The following NALCN variants were observed in gnomAD, a reference collection of about 807,000 sequenced individuals.
The protein encoded by NALCN is sodium leak channel NALCN.
NALCN carries 111 observed loss-of-function variants against 225.3 expected under a neutral mutation model. The observed-to-expected ratio is 0.49, with a 90% confidence interval of 0.42 to 0.58. The LOEUF is 0.58. Among genes scored for constraint, NALCN ranks in the 20% least tolerant of loss-of-function variants. The probability of loss-of-function intolerance (pLI) is 0.00; values close to 1 mark genes in which losing one functional copy is unlikely to be tolerated. For missense variants in NALCN, 1,378 were observed against 2,202.4 expected (o/e 0.63, Z 7.49); for synonymous variants, 764 against 769.0 (o/e 0.99, Z 0.11).
Position 101,073,568 on chromosome 13 carries a change from G to C in NALCN, c.4197+16C>G. On this transcript the variant is annotated intron_variant, in intron 37 of 43. Coordinates refer to ENST00000251127, the MANE Select transcript of NALCN (RefSeq NM_052867.4). The stretch of plus-strand genomic sequence containing the variant: ...GATTCTAAGTCTAAGCCTTGTTCAT[G>C]ATGAGAGATATTTACCATACAGTCA... The C allele has an allele frequency of 6.3e-7, 1 of 1,597,202 alleles. No individual in the cohort carries two copies. The highest frequency in any genetic ancestry group is 8.6e-7 in the Non-Finnish European group (1 of 1,167,096).
intron 15 of NALCN, among the ~76,000 whole-genome samples, chr13:101,169,381 G>T (rs1405950143): frequency 6.6e-6 from 1 of 152,088 alleles, no homozygotes; most frequent in Non-Finnish European, 1.5e-5. Flanking sequence ...TAAATACTGG[G>T]ATACATGTGC....
intron 10 of NALCN, among the ~76,000 whole-genome samples, chr13:101,264,480 G>A (rs1207859428): frequency 6.6e-6 from 1 of 151,896 alleles, no homozygotes; most frequent in Non-Finnish European, 1.5e-5. Flanking sequence ...AATGAGCATT[G>A]TTACTCAAAG....
intron 10 of NALCN, among the ~76,000 whole-genome samples, chr13:101,280,200 G>C (rs1477841056): frequency 1.3e-5 from 2 of 152,080 alleles, no homozygotes; most frequent in African/African-American, 4.8e-5. Flanking sequence ...GCTGCCTCTG[G>C]AAAGCTTTAT....
intron 11 of NALCN, 147 bp from the exon 12 acceptor site, chr13:101,238,069 A>G: frequency 1.6e-6 from 1 of 615,168 alleles, no homozygotes; most frequent in Non-Finnish European, 2.7e-6. Context: ...TTACTTTAAG[A>G]ATGCATTTGA....
At chr13:101,306,714 A>T (rs1368411132) in intron 7 of NALCN, among the ~76,000 whole-genome samples, 1 of 152,172 alleles carries the variant, frequency 6.6e-6, no homozygotes, top group Non-Finnish European at 1.5e-5. Flanking sequence ...GGCTCATTTA[A>T]TCCTCACTGA....
chr13:101,320,081 T>G (rs1017360089), intron 7 of NALCN, among the ~76,000 whole-genome samples: 2 of 152,204 alleles, frequency 1.3e-5, no homozygotes, highest in African/African-American at 4.8e-5. Context: ...TCCCAGTAAG[T>G]TCTATTGTCC....
intron 13 of NALCN, among the ~76,000 whole-genome samples, chr13:101,210,625 A>G (rs1184549938): frequency 6.6e-6 from 1 of 152,208 alleles, no homozygotes; most frequent in Non-Finnish European, 1.5e-5. Flanking sequence ...TAAACTTTCT[A>G]TACAACACAG....
chr13:101,108,986 T>C lies in NALCN; in HGVS notation c.2365-1197A>G, dbSNP rs74119253. Among the ~76,000 whole-genome samples the C allele has an allele frequency of 8.1e-3, 1,225 of 152,138 alleles. 21 individuals carry two copies. The highest frequency in any genetic ancestry group is 0.028 in the African/African-American group (1,152 of 41,510). On this transcript the variant is annotated intron_variant, in intron 20 of 43. Coordinates refer to ENST00000251127, the MANE Select transcript of NALCN (RefSeq NM_052867.4). ...TTTTACTATACTTCTACATGAAAAA[T>C]AGGGTAGGAAGTCTCTGAAGAAGTA...
At position 101,112,172 on chromosome 13, in the gene NALCN, G is replaced by A. The variant is rs189537975; in HGVS notation, c.2193-946C>T. On this transcript the variant is annotated intron_variant, in intron 18 of 43. Transcript: ENST00000251127. The stretch of plus-strand genomic sequence containing the variant: ...AAATGGTTTAGATGGTAAATGTTAT[G>A]TGTTGTTTTTAAAACCACAGTTCAA... Among the ~76,000 whole-genome samples, 3 of 148,352 alleles carry A rather than the reference G, an allele frequency of 2.0e-5. No homozygotes were observed. In the East Asian group the frequency reaches 6.0e-4, roughly 30 times the overall value.
chr13:101,300,321 T>C (rs1340906524), intron 7 of NALCN, among the ~76,000 whole-genome samples: 1 of 150,322 alleles, frequency 6.7e-6, no homozygotes, highest in Non-Finnish European at 1.5e-5. Context: ...TTCTTCCTCT[T>C]CTTTTCCTTC....
At chr13:101,065,585 A>G in intron 39 of NALCN, 24 bp from the exon 40 acceptor site, 1 of 1,610,302 alleles carries the variant, frequency 6.2e-7, no homozygotes. Context: ...CACAAGAAGT[A>G]GCAAATCATC....
intron 9 of NALCN, among the ~76,000 whole-genome samples, chr13:101,287,606 T>A (rs1019851542): frequency 1.3e-5 from 2 of 152,114 alleles, no homozygotes; most frequent in East Asian, 1.9e-4. Flanking sequence ...GATCTCAATA[T>A]ATGGGAGTGA....
intron 6 of NALCN, among the ~76,000 whole-genome samples, chr13:101,370,982 T>A (rs2046523454): frequency 6.6e-6 from 1 of 152,204 alleles, no homozygotes; most frequent in Non-Finnish European, 1.5e-5. Context: ...TTTTCTAGAA[T>A]TTTATGTAAA....
intron 15 of NALCN, among the ~76,000 whole-genome samples, chr13:101,156,367 T>C (rs913082133): frequency 6.6e-6 from 1 of 152,152 alleles, no homozygotes; most frequent in Non-Finnish European, 1.5e-5. Flanking sequence ...AGGTTTCTCA[T>C]TGTTTCTAGT....
intron 10 of NALCN, among the ~76,000 whole-genome samples, chr13:101,276,146 T>C (rs891698123): frequency 5.0e-5 from 7 of 140,958 alleles, no homozygotes; most frequent in Admixed American, 1.5e-4. Flanking sequence ...TGCACAGAGA[T>C]GAGAAAGAGC....
At chr13:101,385,339 C>T (rs2046957378) in intron 3 of NALCN, among the ~76,000 whole-genome samples, 1 of 152,102 alleles carries the variant, frequency 6.6e-6, no homozygotes, top group Non-Finnish European at 1.5e-5. Context: ...CCTCTTTCTT[C>T]AAGACTTCTC....
Position 101,202,905 on chromosome 13 carries a change from G to A in NALCN, c.1627-10851C>T, listed in dbSNP as rs118046583. 9.2e-5 allele frequency among the ~76,000 whole-genome samples: 14 copies of A among 152,206 alleles called. 1 individual carries two copies. The East Asian group carries it at 2.7e-3, about 29-fold the overall frequency. On this transcript the variant is annotated intron_variant, in intron 13 of 43. Transcript: ENST00000251127. ...GTATGCAGACCAGGATGCTCTGTAA[G>A]CCAGCAGATCAGTGAGGTCAAGAAC...
chr13:101,126,509 T>G (rs1017822161), intron 17 of NALCN, among the ~76,000 whole-genome samples: 2 of 152,034 alleles, frequency 1.3e-5, no homozygotes, highest in Non-Finnish European at 2.9e-5. Context: ...TTTTTTTTTT[T>G]TTTAAGATAG....
At chr13:101,375,810 T>C (rs1247548561) in intron 6 of NALCN, among the ~76,000 whole-genome samples, 1 of 152,160 alleles carries the variant, frequency 6.6e-6, no homozygotes, top group Non-Finnish European at 1.5e-5. Flanking sequence ...GGCATAGTCA[T>C]ATCTGTTGCA....
Sources: gnomAD v4.1 joint callset for allele counts (sites outside exome capture counted in the v4.1 genomes callset) on GRCh38, gnomAD v4.1.1 for gene constraint, MANE v1.5 for transcripts, NCBI Gene and HGNC (gene_info 2026-07-23, HGNC 2026-07-21) for gene names.